ZBTB7C: variants seen among roughly 807,000 people sequenced by gnomAD.
ZBTB7C encodes the protein zinc finger and BTB domain containing 7C.
Under a neutral mutation model 25.7 loss-of-function variants are expected in ZBTB7C, and 8 were observed. That is an observed-to-expected ratio of 0.31 (90% CI 0.18 to 0.56). The LOEUF (loss-of-function observed/expected upper bound fraction) is 0.56. Ranked by LOEUF, ZBTB7C falls within the 20% of genes least tolerant of loss-of-function variation. The probability of loss-of-function intolerance (pLI) is 0.91; values close to 1 mark genes in which losing one functional copy is unlikely to be tolerated. For synonymous variants in ZBTB7C, 394 were observed against 369.0 expected (o/e 1.07, Z -0.78); for missense variants, 824 against 855.2 (o/e 0.96, Z 0.46).
At chr18:48,161,663 G>A (rs983512771) in intron 3 of ZBTB7C, among the ~76,000 whole-genome samples, 54 of 150,708 alleles carry the variant, frequency 3.6e-4, no homozygotes, top group African/African-American at 1.2e-3. Flanking sequence ...CCTGCCCGCA[G>A]CCCCCTTCCT....
chr18:48,165,015 A>G, intron 3 of ZBTB7C: 1 of 1,192,414 alleles, frequency 8.4e-7, no homozygotes, highest in Non-Finnish European at 1.1e-6. Flanking sequence ...AGGAAATCTT[A>G]AGCCAAAACA....
intron 3 of ZBTB7C, among the ~76,000 whole-genome samples, chr18:48,115,415 AT>A (rs34706728): frequency 0.62 from 93,850 of 151,640 alleles, 29,327 homozygotes; most frequent in Middle Eastern, 0.71. Context: ...CACCTAGCTA[AT>A]TTTTTTTGTA....
intron 2 of ZBTB7C, among the ~76,000 whole-genome samples, chr18:48,225,946 T>C (rs2043078415): frequency 6.6e-6 from 1 of 152,202 alleles, no homozygotes; most frequent in Non-Finnish European, 1.5e-5. Context: ...TTTCACCATG[T>C]TGGGCAGGAT....
intron 2 of ZBTB7C, among the ~76,000 whole-genome samples, chr18:48,306,956 C>T (rs369958585): frequency 2.6e-5 from 4 of 152,112 alleles, no homozygotes; most frequent in African/African-American, 7.2e-5. Flanking sequence ...GGAGCAGGCC[C>T]GGCAAGAGAC....
chr18:48,124,473 TC>T (rs1198289312), intron 3 of ZBTB7C, among the ~76,000 whole-genome samples: 1 of 152,240 alleles, frequency 6.6e-6, no homozygotes, highest in Non-Finnish European at 1.5e-5. Context: ...TTATTGTTTA[TC>T]GTATATTAAG....
chr18:48,363,528 C>A (rs538574227), intron 1 of ZBTB7C, among the ~76,000 whole-genome samples: 2 of 152,112 alleles, frequency 1.3e-5, no homozygotes, highest in African/African-American at 4.8e-5. Flanking sequence ...ATCTCCAAGG[C>A]AATTGAAAAG....
At chr18:48,242,369 C>T (rs2043553068) in intron 2 of ZBTB7C, among the ~76,000 whole-genome samples, 1 of 152,090 alleles carries the variant, frequency 6.6e-6, no homozygotes, top group Non-Finnish European at 1.5e-5. Context: ...ACCCTAACAC[C>T]AAAATCAGGA....
intron 3 of ZBTB7C, among the ~76,000 whole-genome samples, chr18:48,086,141 T>C (rs1278953765): frequency 6.6e-6 from 1 of 152,232 alleles, no homozygotes; most frequent in African/African-American, 2.4e-5. Flanking sequence ...CCCTGCCTGC[T>C]TCCTGGGCTT....
chr18:48,101,373 A>C (rs2144612776), intron 3 of ZBTB7C, among the ~76,000 whole-genome samples: 1 of 152,392 alleles, frequency 6.6e-6, no homozygotes, highest in East Asian at 1.9e-4. Flanking sequence ...CAAAGTAAAC[A>C]GGTGGATTTA....
At chr18:48,078,647 G>C (rs2037864955) in intron 3 of ZBTB7C, among the ~76,000 whole-genome samples, 1 of 152,216 alleles carries the variant, frequency 6.6e-6, no homozygotes, top group Middle Eastern at 3.2e-3. Flanking sequence ...TCACACCAGA[G>C]TGGTAGAGAG....
intron 2 of ZBTB7C, among the ~76,000 whole-genome samples, chr18:48,201,006 T>C (rs1321156140): frequency 6.6e-6 from 1 of 152,166 alleles, no homozygotes; most frequent in Non-Finnish European, 1.5e-5. Context: ...GCGGAACATC[T>C]AACACCTGCA....
intron 3 of ZBTB7C, chr18:48,041,515 G>A: frequency 2.0e-6 from 2 of 985,408 alleles, no homozygotes; most frequent in Non-Finnish European, 2.4e-6. Context: ...CCACCTCTGT[G>A]GGGCAAGGAC....
intron 2 of ZBTB7C, among the ~76,000 whole-genome samples, chr18:48,335,721 G>T (rs1374947993): frequency 1.3e-5 from 2 of 152,162 alleles, no homozygotes; most frequent in African/African-American, 2.4e-5. Context: ...AACTGAGACG[G>T]TGCTACAAGT....
intron 3 of ZBTB7C, among the ~76,000 whole-genome samples, chr18:48,180,081 A>G (rs1475650944): frequency 1.3e-5 from 1 of 79,562 alleles, no homozygotes; most frequent in African/African-American, 5.3e-5. Flanking sequence ...TGCAAGGAAG[A>G]TATTTCCCCT....
intron 2 of ZBTB7C, among the ~76,000 whole-genome samples, chr18:48,307,719 G>T (rs772288003): frequency 4.6e-5 from 7 of 152,090 alleles, no homozygotes; most frequent in Non-Finnish European, 1.0e-4. Context: ...GTGGTGGCAG[G>T]CACCTGTAAT....
At chr18:48,039,817 C>T in intron 4 of ZBTB7C, 83 bp downstream of exon 4, 1 of 1,450,820 alleles carries the variant, frequency 6.9e-7, no homozygotes, top group Non-Finnish European at 9.5e-7. Flanking sequence ...GTCTCTGTCT[C>T]CACCGCCAGC....
chr18:48,036,631 G>A (rs1162761138), intron 4 of ZBTB7C, among the ~76,000 whole-genome samples: 2 of 152,202 alleles, frequency 1.3e-5, no homozygotes, highest in African/African-American at 2.4e-5. Flanking sequence ...GGACCTGAGG[G>A]CAGCATGTCT....
upstream of ZBTB7C, among the ~76,000 whole-genome samples, chr18:48,412,268 A>T (rs2048387312): frequency 6.6e-6 from 1 of 152,234 alleles, no homozygotes. Flanking sequence ...ATTGGGATCA[A>T]ATTTTTACCT....
Position 48,338,368 on chromosome 18 carries a change from G to A in ZBTB7C, c.-273C>T, listed in dbSNP as rs1420074870. 6.6e-6 allele frequency: 1 copy of A among 152,260 alleles called. No homozygotes were observed. The allele number at this position is 152,260 out of a possible 1,614,324, so 9.4% of individuals were successfully genotyped here. A position where few individuals can be genotyped will look rare whatever the true frequency, so the allele number is the denominator to read the frequency against. ...GACCCACTCCTCAGGGTTGGACAGAGCTTCTGAGCTCCCAGCTGCTCAGAG... is the reference window on the plus strand; with the variant it reads ...GACCCACTCCTCAGGGTTGGACAGAACTTCTGAGCTCCCAGCTGCTCAGAG... On this transcript the variant is annotated 5_prime_UTR_variant, in exon 2 of 5. Coordinates refer to ENST00000590800, the MANE Select transcript of ZBTB7C (RefSeq NM_001318841.2).
Sources: gnomAD v4.1 joint callset for allele counts (sites outside exome capture counted in the v4.1 genomes callset) on GRCh38, gnomAD v4.1.1 for gene constraint, MANE v1.5 for transcripts, NCBI Gene and HGNC (gene_info 2026-07-23, HGNC 2026-07-21) for gene names.